Variants in TMEM132D observed in about 807,000 individuals in gnomAD.
TMEM132D encodes the protein transmembrane protein 132D, also known as mature OL transmembrane protein.
Under a neutral mutation model 62.3 loss-of-function variants are expected in TMEM132D, and 21 were observed. The ratio of observed to expected loss-of-function variants is 0.34; its 90% CI spans 0.24 to 0.49. TMEM132D has a LOEUF of 0.49. Among genes scored for constraint, TMEM132D ranks in the 20% least tolerant of loss-of-function variants. TMEM132D has a pLI of 0.99. For synonymous variants in TMEM132D, 621 were observed against 575.6 expected (o/e 1.08, Z -1.13); for missense variants, 1,346 against 1,402.8 (o/e 0.96, Z 0.65).
At chr12:129,485,944 G>T (rs1482285173) in intron 3 of TMEM132D, among the ~76,000 whole-genome samples, 1 of 152,232 alleles carries the variant, frequency 6.6e-6, no homozygotes, top group Non-Finnish European at 1.5e-5. Context: ...TGCTGTTGGT[G>T]AGCCTCCACA....
intron 5 of TMEM132D, among the ~76,000 whole-genome samples, chr12:129,135,930 C>T (rs1001044801): frequency 1.3e-5 from 2 of 152,138 alleles, no homozygotes; most frequent in Non-Finnish European, 2.9e-5. Context: ...AAGGGCCCAC[C>T]TTATTGCAGT....
chr12:129,380,908 T>C (rs1870930810), intron 3 of TMEM132D, among the ~76,000 whole-genome samples: 1 of 152,252 alleles, frequency 6.6e-6, no homozygotes, highest in Non-Finnish European at 1.5e-5. Context: ...ATTAGTTCAA[T>C]CCTTTTTTTG....
At chr12:129,189,303 C>T (rs1201685323) in intron 5 of TMEM132D, among the ~76,000 whole-genome samples, 1 of 152,124 alleles carries the variant, frequency 6.6e-6, no homozygotes, top group African/African-American at 2.4e-5. Context: ...CATTATAGTA[C>T]CAGATGCTGC....
intron 4 of TMEM132D, among the ~76,000 whole-genome samples, chr12:129,241,756 T>C (rs59069928): frequency 0.23 from 34,487 of 152,180 alleles, 4,048 homozygotes; most frequent in Non-Finnish European, 0.26. Context: ...GATACTGTGC[T>C]TCACAAGGGC....
intron 4 of TMEM132D, among the ~76,000 whole-genome samples, chr12:129,309,022 A>G (rs1161139394): frequency 6.6e-6 from 1 of 152,190 alleles, no homozygotes; most frequent in African/African-American, 2.4e-5. Flanking sequence ...GGTCTTCATA[A>G]TCCATAGGGT....
At chr12:129,168,980 G>A (rs1163234677) in intron 5 of TMEM132D, among the ~76,000 whole-genome samples, 5 of 152,192 alleles carry the variant, frequency 3.3e-5, no homozygotes, top group African/African-American at 1.2e-4. Flanking sequence ...CCTAGCTCTT[G>A]ATATCTACTT....
chr12:129,360,798 G>T (rs1280259831), intron 3 of TMEM132D, among the ~76,000 whole-genome samples: 1 of 152,154 alleles, frequency 6.6e-6, no homozygotes, highest in East Asian at 1.9e-4. Flanking sequence ...AGCCATTCCT[G>T]ACCCTTTTCC....
At chr12:129,709,373 A>G (rs1881585062) in intron 1 of TMEM132D, among the ~76,000 whole-genome samples, 1 of 152,262 alleles carries the variant, frequency 6.6e-6, no homozygotes, top group African/African-American at 2.4e-5. Flanking sequence ...CTATAGATCC[A>G]AAGAAAGGAT....
chr12:129,258,070 A>G (rs1378824137), intron 4 of TMEM132D, among the ~76,000 whole-genome samples: 9 of 152,220 alleles, frequency 5.9e-5, no homozygotes, highest in African/African-American at 2.2e-4. Flanking sequence ...CCGTCTAAAC[A>G]GGACCCGTTT....
chr12:129,276,563 C>A (rs143365776), intron 4 of TMEM132D, among the ~76,000 whole-genome samples: 1 of 152,290 alleles, frequency 6.6e-6, no homozygotes, highest in East Asian at 1.9e-4. Flanking sequence ...CAGATAAAGT[C>A]GTGCAGGCGT....
intron 1 of TMEM132D, among the ~76,000 whole-genome samples, chr12:129,701,648 A>G (rs1443371815): frequency 6.6e-6 from 1 of 152,212 alleles, no homozygotes; most frequent in Non-Finnish European, 1.5e-5. Flanking sequence ...GTTGCCTTAC[A>G]TTCTGTAAGA....
At chr12:129,614,693 G>T (rs192434971) in intron 2 of TMEM132D, among the ~76,000 whole-genome samples, 1 of 152,110 alleles carries the variant, frequency 6.6e-6, no homozygotes, top group Non-Finnish European at 1.5e-5. Flanking sequence ...CAGGCTGGGC[G>T]GGGACTGTGG....
intron 3 of TMEM132D, among the ~76,000 whole-genome samples, chr12:129,344,172 C>T (rs1869607587): frequency 1.3e-5 from 2 of 152,144 alleles, no homozygotes; most frequent in South Asian, 4.1e-4. Flanking sequence ...GCACTGTGGA[C>T]TCGCCCTGAA....
At chr12:129,304,725 G>A (rs181183458) in intron 4 of TMEM132D, among the ~76,000 whole-genome samples, 113 of 136,494 alleles carry the variant, frequency 8.3e-4, no homozygotes, top group Middle Eastern at 4.4e-3. Context: ...ATGCAGTGTC[G>A]CAATCTCAGC....
rs538146383 is a variant in TMEM132D, at chr12:129,088,705, C to A, written c.1444-4003G>T. ...TGTCCTCTATGACCGGGTGTCCTCCCTGACCGGGTGTCCTCCCTGACCGGG... is the reference window on the plus strand; with the variant it reads ...TGTCCTCTATGACCGGGTGTCCTCCATGACCGGGTGTCCTCCCTGACCGGG... On this transcript the variant is annotated intron_variant, in intron 5 of 8. Transcript: ENST00000422113. Among the ~76,000 whole-genome samples, 33 of 24,086 alleles carry A rather than the reference C, an allele frequency of 1.4e-3. 1 individual carries two copies. Among genetic ancestry groups the A allele is most frequent in the Non-Finnish European group, 1.6e-3 (25 of 15,340 alleles). The allele number at this position is 24,086 out of a possible 152,430, so 15.8% of individuals were successfully genotyped here. A position where few individuals can be genotyped will look rare whatever the true frequency, so the allele number is the denominator to read the frequency against.
intron 2 of TMEM132D, among the ~76,000 whole-genome samples, chr12:129,543,481 T>A (rs1220523160): frequency 6.6e-6 from 1 of 152,144 alleles, no homozygotes; most frequent in Non-Finnish European, 1.5e-5. Context: ...GTTGAAAATA[T>A]CATAATTGAA....
chr12:129,448,256 T>C (rs969765524), intron 3 of TMEM132D, among the ~76,000 whole-genome samples: 1 of 152,186 alleles, frequency 6.6e-6, no homozygotes, highest in Non-Finnish European at 1.5e-5. Flanking sequence ...GGGGTATATG[T>C]GCAGGTTCGT....
intron 3 of TMEM132D, among the ~76,000 whole-genome samples, chr12:129,423,610 G>A (rs1872392613): frequency 6.6e-6 from 1 of 152,144 alleles, no homozygotes. Context: ...CACTCACCTA[G>A]CCCAAGATGC....
chr12:129,227,319 A>ATATATATATATATATATATG (rs1193510600), intron 4 of TMEM132D, among the ~76,000 whole-genome samples: 2 of 140,004 alleles, frequency 1.4e-5, no homozygotes, highest in African/African-American at 5.4e-5. Context: ...ATATATATAT[A>ATATATATATATATATATATG]TATATATGGC....
Sources: gnomAD v4.1 joint callset for allele counts (sites outside exome capture counted in the v4.1 genomes callset) on GRCh38, gnomAD v4.1.1 for gene constraint, MANE v1.5 for transcripts, NCBI Gene and HGNC (gene_info 2026-07-23, HGNC 2026-07-21) for gene names.